ANKRD44: variants seen among roughly 807,000 people sequenced by gnomAD.
ANKRD44 encodes the protein ankyrin repeat domain 44.
A neutral mutation model predicts 116.0 loss-of-function variants in ANKRD44; 35 were observed. The ratio of observed to expected loss-of-function variants is 0.30; its 90% confidence interval spans 0.23 to 0.40. ANKRD44 has a LOEUF of 0.40. ANKRD44 is among the 10% of genes least tolerant of loss of function. ANKRD44 has a pLI of 1.00. For missense variants in ANKRD44, 1,014 were observed against 1,242.6 expected (o/e 0.82, Z 2.77); for synonymous variants, 435 against 461.8 (o/e 0.94, Z 0.74).
chr2:197,287,322 T>TA (rs1178821034), intron 1 of ANKRD44, among the ~76,000 whole-genome samples: 10 of 152,108 alleles, frequency 6.6e-5, no homozygotes, highest in Middle Eastern at 3.4e-3. Flanking sequence ...TCCAACTGAT[T>TA]AAAAAAAATG....
intron 1 of ANKRD44, among the ~76,000 whole-genome samples, chr2:197,286,493 G>C (rs896373110): frequency 2.6e-5 from 4 of 151,198 alleles, no homozygotes; most frequent in African/African-American, 9.7e-5. Context: ...TCCTGTCTCA[G>C]CCTCCCCAGT....
chr2:197,211,726 C>T (rs1420328579), intron 1 of ANKRD44, among the ~76,000 whole-genome samples: 2 of 152,036 alleles, frequency 1.3e-5, no homozygotes, highest in African/African-American at 4.8e-5. Flanking sequence ...CCCCAGGCAC[C>T]ATGAGATGCT....
At chr2:197,180,471 C>T (rs2080476447) in intron 2 of ANKRD44, among the ~76,000 whole-genome samples, 1 of 152,148 alleles carries the variant, frequency 6.6e-6, no homozygotes, top group East Asian at 1.9e-4. Flanking sequence ...ATTTATGGGA[C>T]CTGAGTGTGC....
intron 2 of ANKRD44, among the ~76,000 whole-genome samples, chr2:197,177,337 T>A (rs1013807672): frequency 6.6e-6 from 1 of 152,170 alleles, no homozygotes; most frequent in African/African-American, 2.4e-5. Context: ...AAGAAAAGAA[T>A]TCTACTAAGA....
intron 10 of ANKRD44, among the ~76,000 whole-genome samples, chr2:197,092,538 C>T (rs1336310455): frequency 1.3e-5 from 2 of 152,148 alleles, no homozygotes; most frequent in Non-Finnish European, 2.9e-5. Context: ...TAGCTTCTTC[C>T]TATTTAACGG....
intron 1 of ANKRD44, among the ~76,000 whole-genome samples, chr2:197,265,400 C>T (rs2082716352): frequency 6.6e-6 from 1 of 151,966 alleles, no homozygotes; most frequent in African/African-American, 2.4e-5. Flanking sequence ...GGGTGCGTCA[C>T]AGCACCAGCT....
At chr2:197,302,020 A>C (rs148466316) in intron 1 of ANKRD44, among the ~76,000 whole-genome samples, 1 of 152,350 alleles carries the variant, frequency 6.6e-6, no homozygotes, top group African/African-American at 2.4e-5. Context: ...GAAAGAGGTA[A>C]AGGTGAGCCA....
intron 10 of ANKRD44, among the ~76,000 whole-genome samples, chr2:197,090,394 T>TA (rs2078015434): frequency 6.6e-6 from 1 of 152,152 alleles, no homozygotes; most frequent in African/African-American, 2.4e-5. Context: ...CAACACTTTC[T>TA]AAGCATCATA....
At chr2:197,306,109 T>A (rs1408003451) in intron 1 of ANKRD44, among the ~76,000 whole-genome samples, 1 of 151,962 alleles carries the variant, frequency 6.6e-6, no homozygotes, top group Non-Finnish European at 1.5e-5. Context: ...AGCTCCTTAC[T>A]ATGTACAGAA....
chr2:197,182,049 C>T (rs1028177096), intron 2 of ANKRD44, among the ~76,000 whole-genome samples: 1 of 152,192 alleles, frequency 6.6e-6, no homozygotes, highest in Non-Finnish European at 1.5e-5. Flanking sequence ...GTCCTCTTGA[C>T]ATCACATTGT....
chr2:197,273,266 T>C (rs991760711), intron 1 of ANKRD44, among the ~76,000 whole-genome samples: 1 of 152,194 alleles, frequency 6.6e-6, no homozygotes, highest in South Asian at 2.1e-4. Flanking sequence ...TGGATTCTGA[T>C]AGACAACAAG....
At chr2:197,208,929 T>C (rs1455366206) in intron 1 of ANKRD44, among the ~76,000 whole-genome samples, 2 of 152,262 alleles carry the variant, frequency 1.3e-5, no homozygotes, top group Non-Finnish European at 2.9e-5. Context: ...CTCCAGGCTA[T>C]TTGTCTGCCT....
At chr2:197,094,643 T>C (rs2078120615) in intron 10 of ANKRD44, among the ~76,000 whole-genome samples, 1 of 152,228 alleles carries the variant, frequency 6.6e-6, no homozygotes, top group Non-Finnish European at 1.5e-5. Flanking sequence ...CAAAGTGGGA[T>C]TGGTTTAGCT....
chr2:197,014,340 G>A (rs912823346), intron 17 of ANKRD44, among the ~76,000 whole-genome samples: 4 of 152,212 alleles, frequency 2.6e-5, no homozygotes, highest in African/African-American at 7.2e-5. Flanking sequence ...CATAGGCTTT[G>A]CAAAATATCT....
At chr2:197,286,380 C>CT (rs66811937) in intron 1 of ANKRD44, among the ~76,000 whole-genome samples, 61,471 of 146,268 alleles carry the variant, frequency 0.42, 13,148 homozygotes, top group African/African-American at 0.51. Context: ...TTTTTTTTTT[C>CT]TTTTTTTTTT....
chr2:197,080,771 TAGACACAGGC>T (rs2077775840), intron 15 of ANKRD44, among the ~76,000 whole-genome samples: 1 of 151,768 alleles, frequency 6.6e-6, no homozygotes, highest in Non-Finnish European at 1.5e-5. Context: ...AACCCTGGAG[TAGACACAGGC>T]ATTCGGGCCA....
At chr2:197,010,872 C>A (rs879473635) in intron 18 of ANKRD44, among the ~76,000 whole-genome samples, 1 of 152,152 alleles carries the variant, frequency 6.6e-6, no homozygotes, top group Non-Finnish European at 1.5e-5. Flanking sequence ...TTGCCAGCCA[C>A]GAGAGAATGC....
At chr2:197,294,075 G>A (rs151103984) in intron 1 of ANKRD44, among the ~76,000 whole-genome samples, 9 of 152,190 alleles carry the variant, frequency 5.9e-5, no homozygotes, top group African/African-American at 2.2e-4. Context: ...CACTGGCCTC[G>A]GTTTCTCCCT....
chr2:197,238,635 G>A (rs1218649709), intron 1 of ANKRD44, among the ~76,000 whole-genome samples: 1 of 151,962 alleles, frequency 6.6e-6, no homozygotes, highest in Non-Finnish European at 1.5e-5. Flanking sequence ...TGTAAACAAG[G>A]TCTATAGAAG....
Sources: allele counts gnomAD v4.1 joint callset (sites outside exome capture counted in the v4.1 genomes callset), GRCh38; gene constraint gnomAD v4.1.1; transcripts MANE v1.5; gene names NCBI Gene and HGNC (gene_info 2026-07-23, HGNC 2026-07-21).